Variants in TENM2 observed in about 807,000 individuals in gnomAD.
TENM2 encodes the protein teneurin transmembrane protein 2, also known as teneurin-2.
In TENM2, 52 loss-of-function variants were observed where a neutral mutation model predicts 245.2. The ratio of observed to expected loss-of-function variants is 0.21; its 90% CI spans 0.17 to 0.27. The LOEUF (loss-of-function observed/expected upper bound fraction) is 0.27, where lower values mean the gene tolerates loss of function less well. Ranked by LOEUF, TENM2 falls within the 10% of genes least tolerant of loss-of-function variation. The pLI, the probability that TENM2 is intolerant of heterozygous loss-of-function variation, is 1.00. For missense variants in TENM2, 3,046 were observed against 3,666.8 expected, an observed-to-expected ratio of 0.83 and a Z score of 4.37; for synonymous variants, 1,363 against 1,438.9, an observed-to-expected ratio of 0.95 and a Z score of 1.19.
chr5:167,580,974 G>C (rs1319616149), intron 2 of TENM2, among the ~76,000 whole-genome samples: 3 of 152,186 alleles, frequency 2.0e-5, no homozygotes, highest in African/African-American at 7.2e-5. Flanking sequence ...GGGAAACAGA[G>C]CGAAACCTTG....
chr5:167,512,697 A>G (rs1770052443), intron 2 of TENM2, among the ~76,000 whole-genome samples: 1 of 152,230 alleles, frequency 6.6e-6, no homozygotes, highest in African/African-American at 2.4e-5. Flanking sequence ...TATTTTTAAA[A>G]TATGGCTTAT....
chr5:168,106,982 C>T (rs1191538186), intron 9 of TENM2, among the ~76,000 whole-genome samples: 2 of 152,100 alleles, frequency 1.3e-5, no homozygotes, highest in African/African-American at 4.8e-5. Context: ...ATTGCTTGAA[C>T]CAAGGAGGTG....
At chr5:167,025,258 A>T in the TENM2 span, among the ~76,000 whole-genome samples, 32 of 152,212 alleles carry the variant, frequency 2.1e-4, no homozygotes, top group Non-Finnish European at 3.2e-4. Flanking sequence ...AATATTTAAA[A>T]TATTTTACAT....
the TENM2 span, among the ~76,000 whole-genome samples, chr5:167,149,456 G>T: frequency 1.3e-5 from 2 of 152,102 alleles, no homozygotes; most frequent in African/African-American, 4.8e-5. Flanking sequence ...TTACATTCCT[G>T]AAATCTTGAA....
chr5:167,513,410 G>A (rs1770104268), intron 2 of TENM2, among the ~76,000 whole-genome samples: 1 of 152,162 alleles, frequency 6.6e-6, no homozygotes, highest in South Asian at 2.1e-4. Flanking sequence ...GAGTAACGAA[G>A]TAAAGCCTGC....
chr5:167,373,204 G>C lies in TENM2; in HGVS notation c.227-1994G>C, dbSNP rs565191249. Among the ~76,000 whole-genome samples, 3 of 152,306 alleles carry C rather than the reference G, an allele frequency of 2.0e-5. No individual in the cohort carries two copies. In the South Asian group the frequency reaches 6.2e-4, roughly 32 times the overall value. ...TTAGGCTGGGAAAGCTCAGTGTTCA[G>C]TGAAGACAAGAAAAAAGCTCAGAAT... On this transcript the variant is annotated intron_variant, in intron 1 of 28. Transcript: ENST00000518659.
chr5:167,023,383 A>G, the TENM2 span, among the ~76,000 whole-genome samples: 1 of 152,214 alleles, frequency 6.6e-6, no homozygotes, highest in African/African-American at 2.4e-5. Context: ...CACAGATGAG[A>G]AAGTCATACC....
intron 2 of TENM2, among the ~76,000 whole-genome samples, chr5:167,763,433 C>T (rs904165108): frequency 6.6e-6 from 1 of 152,096 alleles, no homozygotes; most frequent in South Asian, 2.1e-4. Flanking sequence ...GTCAAATGTC[C>T]CCAAGCACTG....
the TENM2 span, among the ~76,000 whole-genome samples, chr5:167,031,222 T>C: frequency 6.6e-6 from 1 of 152,196 alleles, no homozygotes; most frequent in Non-Finnish European, 1.5e-5. Context: ...ATCCACTTCA[T>C]GGGAACATTC....
intron 27 of TENM2, among the ~76,000 whole-genome samples, chr5:168,256,326 A>G (rs1394154922): frequency 6.6e-6 from 1 of 152,052 alleles, no homozygotes; most frequent in Non-Finnish European, 1.5e-5. Context: ...TACCTGGTAC[A>G]TAGTAGATGC....
In TENM2 at chr5:168,248,271, G is replaced by A. The variant is rs960599168; in HGVS notation, c.7332G>A (p.Met2444Ile). The A allele has an allele frequency of 3.1e-6, 5 of 1,613,914 alleles. No homozygotes were observed. The Middle Eastern group carries it at 4.9e-4, about 159-fold the overall frequency. ...GATGGACCTCCCCAGACTATACCAT[G>A]TGGAAAAACGTGGGCAAGGAGCCGG... The change falls in exon 27 of 29, where the codon ATG becomes ATA. Residue 2444 changes from methionine (M) to isoleucine (I), a missense_variant. Met to Ile is a conservative substitution (Grantham distance 10, BLOSUM62 1). This residue lies in a region of TENM2 where 2,704 missense variants were observed against 3,331.9 expected (regional missense o/e 0.81). Transcript: ENST00000518659.
At chr5:167,767,819 G>A (rs984634923) in intron 2 of TENM2, among the ~76,000 whole-genome samples, 2 of 152,142 alleles carry the variant, frequency 1.3e-5, no homozygotes, top group Non-Finnish European at 2.9e-5. Context: ...CACACTTGTG[G>A]GGGTAAAAGA....
intron 6 of TENM2, among the ~76,000 whole-genome samples, chr5:168,058,431 G>A (rs1218173155): frequency 5.9e-5 from 9 of 152,184 alleles, no homozygotes. Context: ...GCAAAATCAA[G>A]TACAATACCT....
intron 1 of TENM2, among the ~76,000 whole-genome samples, chr5:167,322,322 A>T (rs17068271): frequency 6.6e-6 from 1 of 151,758 alleles, no homozygotes; most frequent in Non-Finnish European, 1.5e-5. Flanking sequence ...GCTTCAGTGC[A>T]CTTGGCTTTG....
At chr5:167,532,367 C>T (rs531943642) in intron 2 of TENM2, among the ~76,000 whole-genome samples, 1 of 151,330 alleles carries the variant, frequency 6.6e-6, no homozygotes, top group South Asian at 2.1e-4. Context: ...AAAGACATAC[C>T]CGAGACTGGG....
chr5:167,955,451 T>G (rs967251485), intron 4 of TENM2, among the ~76,000 whole-genome samples: 2 of 152,226 alleles, frequency 1.3e-5, no homozygotes, highest in African/African-American at 4.8e-5. Context: ...TATTTTGCTG[T>G]GGGGAAGCTC....
chr5:167,514,055 T>C (rs182805851), intron 2 of TENM2, among the ~76,000 whole-genome samples: 2 of 152,344 alleles, frequency 1.3e-5, no homozygotes, highest in East Asian at 3.9e-4. Flanking sequence ...AGTGTTTCAC[T>C]AGAAAGCACG....
the TENM2 span, among the ~76,000 whole-genome samples, chr5:167,076,321 TC>T: frequency 6.6e-6 from 1 of 152,166 alleles, no homozygotes; most frequent in African/African-American, 2.4e-5. Flanking sequence ...TTTGTCTGTT[TC>T]TCATTGTTTA....
chr5:167,854,098 A>T (rs989116391), intron 2 of TENM2, among the ~76,000 whole-genome samples: 8 of 152,238 alleles, frequency 5.3e-5, no homozygotes, highest in African/African-American at 1.9e-4. Context: ...TTTTTATTTT[A>T]AAAGCCCTGA....
Sources: gnomAD v4.1 joint callset for allele counts (sites outside exome capture counted in the v4.1 genomes callset) on GRCh38, gnomAD v4.1.1 for gene constraint, gnomAD v4.1.1 regional missense constraint, MANE v1.5 for transcripts, NCBI Gene and HGNC (gene_info 2026-07-23, HGNC 2026-07-21) for gene names.